The following MCC variants were observed in gnomAD, a reference collection of about 807,000 sequenced individuals.
MCC encodes the protein colorectal mutant cancer protein.
MCC carries 90 observed loss-of-function variants against 116.2 expected under a neutral mutation model. The ratio of observed to expected loss-of-function variants is 0.77; its 90% CI spans 0.65 to 0.92. The LOEUF is 0.92. Among genes scored for constraint, MCC ranks in the 40% least tolerant of loss-of-function variants. The probability of loss-of-function intolerance (pLI) is 0.00; values close to 1 mark genes in which losing one functional copy is unlikely to be tolerated. For missense variants in MCC, 1,516 were observed against 1,312.2 expected (o/e 1.16, Z -2.40); for synonymous variants, 578 against 510.5 (o/e 1.13, Z -1.78).
chr5:113,109,869 T>C (rs1259046780), intron 6 of MCC, among the ~76,000 whole-genome samples: 1 of 152,226 alleles, frequency 6.6e-6, no homozygotes, highest in Admixed American at 6.5e-5. Flanking sequence ...GGGAGTAATG[T>C]ACTCTTTAGA....
intron 17 of MCC, among the ~76,000 whole-genome samples, chr5:113,043,185 T>C (rs1428162393): frequency 6.6e-6 from 1 of 152,240 alleles, no homozygotes; most frequent in Non-Finnish European, 1.5e-5. Context: ...AAAGTATTCC[T>C]GCTGAAGTTG....
chr5:113,067,573 T>C (rs1753711195), intron 13 of MCC, among the ~76,000 whole-genome samples: 1 of 151,786 alleles, frequency 6.6e-6, no homozygotes, highest in Non-Finnish European at 1.5e-5. Flanking sequence ...GAGGTGGAGG[T>C]TGCAGTGAGC....
At chr5:113,245,819 C>T (rs2150341226) in intron 3 of MCC, among the ~76,000 whole-genome samples, 1 of 152,234 alleles carries the variant, frequency 6.6e-6, no homozygotes, top group South Asian at 2.1e-4. Flanking sequence ...ATTTAAAACC[C>T]ATTCAATCAC....
intron 1 of MCC, among the ~76,000 whole-genome samples, chr5:113,455,671 G>T (rs1771522583): frequency 6.6e-6 from 1 of 152,168 alleles, no homozygotes. Context: ...AATAGCCCCA[G>T]AGGAATTTGG....
intron 3 of MCC, among the ~76,000 whole-genome samples, chr5:113,257,292 T>C (rs1765045259): frequency 6.6e-6 from 1 of 152,020 alleles, no homozygotes; most frequent in Non-Finnish European, 1.5e-5. Context: ...ACTAAGGTTG[T>C]CATGAGGCTG....
chr5:113,099,539 G>A (rs1266855424), intron 8 of MCC, among the ~76,000 whole-genome samples: 10 of 152,162 alleles, frequency 6.6e-5, no homozygotes, highest in Admixed American at 6.5e-4. Flanking sequence ...ACCACTTTAC[G>A]AGTATTATCT....
intron 1 of MCC, chr5:113,399,833 A>C (rs561405309): frequency 6.6e-6 from 1 of 152,266 alleles, no homozygotes; most frequent in Admixed American, 6.5e-5. Context: ...CTTAGATTTG[A>C]GTTACTGCAA....
At chr5:113,473,738 G>C (rs1189264079) in intron 1 of MCC, among the ~76,000 whole-genome samples, 1 of 152,144 alleles carries the variant, frequency 6.6e-6, no homozygotes, top group Admixed American at 6.5e-5. Flanking sequence ...AAAGGAACTG[G>C]ATAATAACAA....
intron 8 of MCC, among the ~76,000 whole-genome samples, chr5:113,100,089 C>T (rs764827332): frequency 5.9e-5 from 9 of 152,166 alleles, no homozygotes; most frequent in African/African-American, 1.4e-4. Flanking sequence ...GACTGTCATC[C>T]GATATAGCTG....
intron 13 of MCC, among the ~76,000 whole-genome samples, chr5:113,065,297 G>A (rs921531033): frequency 9.9e-5 from 15 of 152,008 alleles, no homozygotes; most frequent in African/African-American, 3.4e-4. Context: ...GAGGGTTGGA[G>A]GCATATGGGA....
intron 3 of MCC, among the ~76,000 whole-genome samples, chr5:113,297,496 T>C (rs1013217292): frequency 6.6e-6 from 1 of 151,490 alleles, no homozygotes; most frequent in African/African-American, 2.4e-5. Context: ...ACCTGGGAGA[T>C]GGAGGTTGCA....
chr5:113,293,425 G>A (rs911191518), intron 3 of MCC, among the ~76,000 whole-genome samples: 3 of 152,190 alleles, frequency 2.0e-5, no homozygotes, highest in African/African-American at 7.2e-5. Flanking sequence ...AAATGGCTCA[G>A]TGATGGAACC....
chr5:113,206,499 G>T lies in MCC; in HGVS notation c.628-55077C>A, dbSNP rs560003881. On this transcript the variant is annotated intron_variant, in intron 3 of 18. Coordinates refer to ENST00000408903, the MANE Select transcript of MCC (RefSeq NM_001085377.2). ...GGAGGCTGAGGCAGGCCTCCCACTT[G>T]AGGCCAGAAGTTCAAGACCAGCCTG... Among the ~76,000 whole-genome samples the T allele has an allele frequency of 8.5e-5, 13 of 152,270 alleles. No individual in the cohort carries two copies. In the South Asian group the frequency reaches 1.7e-3, roughly 19 times the overall value.
chr5:113,456,838 T>C (rs953960292), intron 1 of MCC, among the ~76,000 whole-genome samples: 1 of 152,022 alleles, frequency 6.6e-6, no homozygotes, highest in Admixed American at 6.5e-5. Flanking sequence ...CAACGTGCAC[T>C]ACTTTTGAGT....
At chr5:113,184,575 G>A (rs1277877872) in intron 3 of MCC, among the ~76,000 whole-genome samples, 2 of 146,994 alleles carry the variant, frequency 1.4e-5, no homozygotes, top group African/African-American at 5.0e-5. Flanking sequence ...CAATCCTCCT[G>A]CCTCAGCCTC....
At chr5:113,420,255 T>C (rs1299111452) in intron 1 of MCC, among the ~76,000 whole-genome samples, 2 of 133,960 alleles carry the variant, frequency 1.5e-5, no homozygotes, top group East Asian at 2.1e-4. Context: ...ATGCTATCCA[T>C]AGAAGAAAAA....
At chr5:113,339,942 C>G (rs1767969979) in intron 3 of MCC, among the ~76,000 whole-genome samples, 1 of 152,262 alleles carries the variant, frequency 6.6e-6, no homozygotes, top group Non-Finnish European at 1.5e-5. Flanking sequence ...GGCCATCGGC[C>G]ACCCGCCTCA....
intron 11 of MCC, among the ~76,000 whole-genome samples, chr5:113,076,511 C>T (rs1347027589): frequency 2.6e-5 from 4 of 152,134 alleles, no homozygotes; most frequent in Non-Finnish European, 5.9e-5. Context: ...ATATTAAATA[C>T]TCTTAAAGAA....
At chr5:113,300,365 C>G (rs1020543397) in intron 3 of MCC, among the ~76,000 whole-genome samples, 3 of 152,160 alleles carry the variant, frequency 2.0e-5, no homozygotes, top group Non-Finnish European at 2.9e-5. Context: ...CTAAAATTGT[C>G]CCCTTCTCCA....
Sources: allele counts gnomAD v4.1 joint callset (sites outside exome capture counted in the v4.1 genomes callset), GRCh38; gene constraint gnomAD v4.1.1; transcripts MANE v1.5; gene names NCBI Gene and HGNC (gene_info 2026-07-23, HGNC 2026-07-21).